NBEA: variants seen among roughly 807,000 people sequenced by gnomAD.
NBEA encodes neurobeachin, also known as lysosomal-trafficking regulator 2.
A neutral mutation model predicts 343.4 loss-of-function variants in NBEA; 44 were observed. That is an observed-to-expected ratio of 0.13 (90% confidence interval 0.10 to 0.16). NBEA has a LOEUF of 0.16. Ranked by LOEUF, NBEA falls within the 10% of genes least tolerant of loss-of-function variation. NBEA has a pLI of 1.00. For synonymous variants in NBEA, 1,175 were observed against 1,238.7 expected, an observed-to-expected ratio of 0.95 and a Z score of 1.08; for missense variants, 2,555 against 3,631.3, an observed-to-expected ratio of 0.70 and a Z score of 7.62.
At chr13:35,448,294 G>T (rs1031199222) in intron 39 of NBEA, among the ~76,000 whole-genome samples, 2 of 152,056 alleles carry the variant, frequency 1.3e-5, no homozygotes, top group Non-Finnish European at 2.9e-5. Context: ...GTAACATAAA[G>T]CTTTTTTACT....
chr13:35,252,721 G>T (rs2032125582), intron 34 of NBEA, among the ~76,000 whole-genome samples: 2 of 152,168 alleles, frequency 1.3e-5, no homozygotes, highest in South Asian at 4.1e-4. Context: ...GGTCAGAGAG[G>T]AAGTGGTCTG....
chr13:35,040,389 ATTACAAGACCTTGCATACTTCTG>A (rs1181693045), intron 1 of NBEA, among the ~76,000 whole-genome samples: 4 of 151,982 alleles, frequency 2.6e-5, no homozygotes, highest in African/African-American at 9.7e-5. Context: ...AAAAAAAAGC[ATTACAAGACCTTGCATACTTCTG>A]TTCAACTTAT....
chr13:35,219,033 A>G (rs183725565), intron 33 of NBEA, among the ~76,000 whole-genome samples: 16 of 151,954 alleles, frequency 1.1e-4, no homozygotes, highest in African/African-American at 2.9e-4. Context: ...AAAATTTTCT[A>G]TTTTTTTCTG....
chr13:35,202,325 C>T (rs931427653), intron 31 of NBEA, among the ~76,000 whole-genome samples: 9 of 152,086 alleles, frequency 5.9e-5, no homozygotes, highest in African/African-American at 1.2e-4. Context: ...AAGGAATATG[C>T]CCCAGGGCAT....
intron 40 of NBEA, among the ~76,000 whole-genome samples, chr13:35,464,746 C>T (rs1283269329): frequency 2.6e-5 from 4 of 152,112 alleles, no homozygotes; most frequent in Non-Finnish European, 4.4e-5. Flanking sequence ...CATAAAGTGC[C>T]TTACACAGTT....
Position 35,357,301 on chromosome 13 carries a change from G to GT in NBEA, c.6179+4988dup, listed in dbSNP as rs770565194. On this transcript the variant is annotated intron_variant, in intron 38 of 58. Coordinates refer to ENST00000379939, the MANE Select transcript of NBEA (RefSeq NM_001385012.1). ...GGTTTTTTTGTTTTTCTTTTTTGTT[G>GT]TTTTTTTTTTAACTTTTAAGTTCAG... Among the ~76,000 whole-genome samples, 184 of 146,560 alleles carry GT rather than the reference G, an allele frequency of 1.3e-3. 1 individual carries two copies. The highest frequency in any genetic ancestry group is 2.2e-3 in the Non-Finnish European group (146 of 66,182).
intron 17 of NBEA, among the ~76,000 whole-genome samples, chr13:35,131,353 G>A (rs1234787559): frequency 6.6e-6 from 1 of 152,068 alleles, no homozygotes; most frequent in Non-Finnish European, 1.5e-5. Flanking sequence ...TTTTTTAAAA[G>A]TATACAGCAT....
intron 8 of NBEA, among the ~76,000 whole-genome samples, chr13:35,061,229 G>A (rs1418461510): frequency 6.6e-6 from 1 of 151,656 alleles, no homozygotes; most frequent in Non-Finnish European, 1.5e-5. Context: ...CAGTTTATCA[G>A]TAAATATTCT....
intron 38 of NBEA, among the ~76,000 whole-genome samples, chr13:35,357,039 C>A (rs1002690957): frequency 2.0e-5 from 3 of 152,080 alleles, no homozygotes; most frequent in African/African-American, 7.2e-5. Context: ...TATGGACTTT[C>A]ATTTACTGGT....
At chr13:35,612,953 GTTTATA>G (rs1208956154) in intron 48 of NBEA, among the ~76,000 whole-genome samples, 1 of 151,780 alleles carries the variant, frequency 6.6e-6, no homozygotes, top group Non-Finnish European at 1.5e-5. Flanking sequence ...ATTAATAATT[GTTTATA>G]TTTATGGGGT....
chr13:35,081,043 A>G (rs1566253054), intron 10 of NBEA, among the ~76,000 whole-genome samples: 1 of 152,276 alleles, frequency 6.6e-6, no homozygotes, highest in African/African-American at 2.4e-5. Flanking sequence ...CCTTAACACA[A>G]TGACTTTATG....
At chr13:35,435,566 G>A (rs1407763719) in intron 39 of NBEA, among the ~76,000 whole-genome samples, 2 of 152,064 alleles carry the variant, frequency 1.3e-5, no homozygotes, top group African/African-American at 4.8e-5. Context: ...GGGGCGTGTA[G>A]ATGTTTGTTA....
chr13:35,035,841 T>A (rs1262663275), intron 1 of NBEA, among the ~76,000 whole-genome samples: 1 of 151,974 alleles, frequency 6.6e-6, no homozygotes, highest in Non-Finnish European at 1.5e-5. Context: ...TCTGCTCTTT[T>A]TTTGGTTTTC....
intron 36 of NBEA, among the ~76,000 whole-genome samples, chr13:35,318,701 G>A (rs910620570): frequency 6.6e-6 from 1 of 152,106 alleles, no homozygotes; most frequent in Non-Finnish European, 1.5e-5. Flanking sequence ...TGTACCTCTG[G>A]TAGAATTCGG....
At chr13:35,133,929 A>G (rs1348864933) in intron 17 of NBEA, among the ~76,000 whole-genome samples, 1 of 148,088 alleles carries the variant, frequency 6.8e-6, no homozygotes, top group Admixed American at 6.7e-5. Flanking sequence ...TATTATGTTT[A>G]AAAAAAAAAC....
intron 11 of NBEA, among the ~76,000 whole-genome samples, chr13:35,103,596 T>C (rs910985273): frequency 5.9e-5 from 9 of 151,888 alleles, no homozygotes; most frequent in African/African-American, 2.2e-4. Context: ...TACTAATTAC[T>C]CTCAATTGTT....
rs1236644811 is a variant in NBEA at position 34,987,313 on chromosome 13, A to C, written c.294+44199A>C. ...TTGAAAATTCTTTTAAGAATATTGA[A>C]TATTGGTCTCCAGTCTCTTCTGGCT... On this transcript the variant is annotated intron_variant, in intron 1 of 58. Transcript: ENST00000379939. 2.0e-5 allele frequency among the ~76,000 whole-genome samples: 3 copies of C among 151,064 alleles called. No homozygotes were observed. The East Asian group carries it at 5.8e-4, about 29-fold the overall frequency.
intron 38 of NBEA, among the ~76,000 whole-genome samples, chr13:35,384,184 A>G (rs1449461917): frequency 6.6e-6 from 1 of 152,228 alleles, no homozygotes; most frequent in Non-Finnish European, 1.5e-5. Flanking sequence ...CAACATGAAT[A>G]TTAATTTTCA....
chr13:34,994,198 CAAAAAAAAAAAAAA>C (rs57966701), intron 1 of NBEA, among the ~76,000 whole-genome samples: 4 of 29,938 alleles, frequency 1.3e-4, no homozygotes, highest in Non-Finnish European at 1.8e-4. Flanking sequence ...GCTCTGTCTC[CAAAAAAAAAAAAAA>C]AAAAAAAAAA....
Sources: gnomAD v4.1 joint callset for allele counts (sites outside exome capture counted in the v4.1 genomes callset) on GRCh38, gnomAD v4.1.1 for gene constraint, MANE v1.5 for transcripts, NCBI Gene and HGNC (gene_info 2026-07-23, HGNC 2026-07-21) for gene names.